TFCP2L1: variants seen among roughly 807,000 people sequenced by gnomAD.
The protein encoded by TFCP2L1 is transcription factor CP2 like 1.
TFCP2L1 carries 12 observed loss-of-function variants against 72.2 expected under a neutral mutation model. That is an observed-to-expected ratio of 0.17 (90% CI 0.11 to 0.27). The LOEUF (loss-of-function observed/expected upper bound fraction) is 0.27, where lower values mean the gene tolerates loss of function less well. Ranked by LOEUF, TFCP2L1 falls within the 10% of genes least tolerant of loss-of-function variation. The pLI is 1.00. For synonymous variants in TFCP2L1, 260 were observed against 251.0 expected (o/e 1.04, Z -0.34); for missense variants, 488 against 624.6 (o/e 0.78, Z 2.33).
At chr2:121,283,009 C>G (rs548393686) in intron 1 of TFCP2L1, among the ~76,000 whole-genome samples, 73 of 152,324 alleles carry the variant, frequency 4.8e-4, no homozygotes, top group African/African-American at 1.7e-3. Context: ...CAGAGCAGGG[C>G]ACACTCCCAG....
At chr2:121,261,809 G>A (rs762385655) in intron 2 of TFCP2L1, among the ~76,000 whole-genome samples, 2 of 152,174 alleles carry the variant, frequency 1.3e-5, no homozygotes, top group Non-Finnish European at 2.9e-5. Flanking sequence ...CAAAGGAGGA[G>A]AGGTAATTTT....
intron 2 of TFCP2L1, among the ~76,000 whole-genome samples, chr2:121,265,723 A>G (rs1686917075): frequency 6.6e-6 from 1 of 152,102 alleles, no homozygotes; most frequent in East Asian, 1.9e-4. Flanking sequence ...ACCTCAGAAG[A>G]TCCGCCTGCC....
At chr2:121,248,885 C>T (rs1573374987) in intron 4 of TFCP2L1, 97 bp downstream of exon 4, 1 of 957,066 alleles carries the variant, frequency 1.0e-6, no homozygotes, top group Non-Finnish European at 1.5e-6. Context: ...CAAGCTAAAA[C>T]GCCTTCTCGG....
intron 6 of TFCP2L1, among the ~76,000 whole-genome samples, chr2:121,244,414 TG>T (rs1283691561): frequency 6.6e-6 from 1 of 152,184 alleles, no homozygotes; most frequent in African/African-American, 2.4e-5. Context: ...GCATCTCTTC[TG>T]TGAGTGGGGG....
At chr2:121,237,499 T>C in intron 10 of TFCP2L1, 124 bp downstream of exon 10, 1 of 1,129,866 alleles carries the variant, frequency 8.9e-7, no homozygotes, top group East Asian at 2.4e-5. Context: ...GAACCCACAC[T>C]ATCTCGGGTC....
intron 5 of TFCP2L1, 48 bp from the exon 6 acceptor site, chr2:121,247,018 T>G (rs1558735185): frequency 6.2e-7 from 1 of 1,608,716 alleles, no homozygotes; most frequent in East Asian, 2.2e-5. Context: ...CCAAGCAGGG[T>G]GCCCCTGGAT....
intron 2 of TFCP2L1, among the ~76,000 whole-genome samples, chr2:121,252,981 G>C (rs1573378833): frequency 6.6e-6 from 1 of 152,162 alleles, no homozygotes; most frequent in African/African-American, 2.4e-5. Flanking sequence ...GCAACACAGC[G>C]AGCTGCTGTC....
At chr2:121,253,271 T>C (rs562165618) in intron 2 of TFCP2L1, among the ~76,000 whole-genome samples, 1 of 152,328 alleles carries the variant, frequency 6.6e-6, no homozygotes, top group African/African-American at 2.4e-5. Context: ...CTGGACGCCT[T>C]TCCCATCAGA....
At chr2:121,249,155 T>C in intron 3 of TFCP2L1, 68 bp from the exon 4 acceptor site, 1 of 1,240,368 alleles carries the variant, frequency 8.1e-7, no homozygotes, top group Admixed American at 2.8e-5. Context: ...CTCTTTTCCC[T>C]GAGCCACAGT....
intron 2 of TFCP2L1, among the ~76,000 whole-genome samples, chr2:121,266,161 A>C (rs551572269): frequency 1.2e-3 from 177 of 148,200 alleles, no homozygotes; most frequent in African/African-American, 4.3e-3. Flanking sequence ...TTTTTTTAAT[A>C]GTTTTTTTTT....
chr2:121,282,025 C>T (rs768699776), intron 1 of TFCP2L1, among the ~76,000 whole-genome samples: 12 of 151,902 alleles, frequency 7.9e-5, no homozygotes, highest in South Asian at 2.1e-4. Flanking sequence ...CTCCACCTCC[C>T]GGGTTCAAGC....
chr2:121,228,153 A>C (rs1686068532), intron 13 of TFCP2L1, among the ~76,000 whole-genome samples: 1 of 152,224 alleles, frequency 6.6e-6, no homozygotes, highest in Non-Finnish European at 1.5e-5. Flanking sequence ...AGAATCGCCT[A>C]CTTAGGCGAG....
At chr2:121,274,225 A>C (rs1687102487) in intron 2 of TFCP2L1, among the ~76,000 whole-genome samples, 1 of 152,172 alleles carries the variant, frequency 6.6e-6, no homozygotes, top group Non-Finnish European at 1.5e-5. Flanking sequence ...TGGGGGGATA[A>C]AATCATGCCT....
chr2:121,245,627 C>T lies in TFCP2L1; in HGVS notation c.657+1191G>A, dbSNP rs1686464873. Among the ~76,000 whole-genome samples, 3 of 152,222 alleles carry T rather than the reference C, an allele frequency of 2.0e-5. No individual in the cohort carries two copies. The South Asian group carries it at 6.2e-4, about 32-fold the overall frequency. ...TGCCCACAACGGTCAGGCAGCCCGG[C>T]TGTGTGGTCTCCTGAGTGCAGACTC... On this transcript the variant is annotated intron_variant, in intron 6 of 14. Transcript: ENST00000263707.
At chr2:121,268,771 T>C (rs1394498180) in intron 2 of TFCP2L1, among the ~76,000 whole-genome samples, 1 of 150,446 alleles carries the variant, frequency 6.6e-6, no homozygotes, top group Non-Finnish European at 1.5e-5. Context: ...TCATTCAGGC[T>C]GGCATTTGAG....
Position 121,248,190 on chromosome 2 carries a change from C to T in TFCP2L1, c.478G>A (p.Ala160Thr). 3 of 1,614,014 alleles carry T rather than the reference C, an allele frequency of 1.9e-6. No homozygotes were observed. In the East Asian group the frequency reaches 6.7e-5, roughly 36 times the overall value. The change falls in exon 5 of 15, where the codon GCG becomes ACG. Residue 160 changes from alanine (A) to threonine (T), a missense_variant. Ala to Thr is a moderately conservative substitution (Grantham distance 58). Around this residue, in one of 3 missense-constraint regions of TFCP2L1, gnomAD observed 129 missense variants for 236.0 expected, o/e 0.55. Transcript: ENST00000263707. ...TGAATGAATGCAGAAGCTCTCTTCG[C>T]AGGGTCCCACAAAAACTCGACTGCA... Reference protein sequence around the residue: ...LNAVEFLWDPAKRASAFIQVH... With the variant: ...LNAVEFLWDPTKRASAFIQVH...
chr2:121,240,680 A>G (rs910737799), intron 7 of TFCP2L1: 13 of 985,204 alleles, frequency 1.3e-5, no homozygotes, highest in Non-Finnish European at 1.6e-5. Flanking sequence ...AGGAGCAGAG[A>G]GGTTGAGGCT....
intron 13 of TFCP2L1, among the ~76,000 whole-genome samples, chr2:121,225,866 C>A (rs1275445042): frequency 6.7e-6 from 1 of 148,754 alleles, no homozygotes; most frequent in Non-Finnish European, 1.5e-5. Flanking sequence ...TGCCCACACA[C>A]AAGGGAACAC....
chr2:121,279,743 C>T (rs568616576), intron 2 of TFCP2L1, among the ~76,000 whole-genome samples: 3 of 152,180 alleles, frequency 2.0e-5, no homozygotes, highest in African/African-American at 4.8e-5. Flanking sequence ...GCTACGACAC[C>T]GCAGCTCCCC....
Sources: gnomAD v4.1 joint callset for allele counts (sites outside exome capture counted in the v4.1 genomes callset) on GRCh38, gnomAD v4.1.1 for gene constraint, gnomAD v4.1.1 regional missense constraint, MANE v1.5 for transcripts, NCBI Gene and HGNC (gene_info 2026-07-23, HGNC 2026-07-21) for gene names.